GLS: variants seen among roughly 807,000 people sequenced by gnomAD.
GLS encodes glutaminase kidney isoform, mitochondrial.
A neutral mutation model predicts 86.7 loss-of-function variants in GLS; 36 were observed. The ratio of observed to expected loss-of-function variants is 0.42; its 90% CI spans 0.32 to 0.55. The LOEUF (loss-of-function observed/expected upper bound fraction) is 0.55. Ranked by LOEUF, GLS falls within the 20% of genes least tolerant of loss-of-function variation. GLS has a pLI of 0.17. For synonymous variants in GLS, 317 were observed against 305.9 expected, an observed-to-expected ratio of 1.04 and a Z score of -0.38; for missense variants, 528 against 833.4, an observed-to-expected ratio of 0.63 and a Z score of 4.51.
At position 190,883,383 on chromosome 2, in the gene GLS, A is replaced by C. The variant is rs145094609; in HGVS notation, c.386+1913A>C. On this transcript the variant is annotated intron_variant, in intron 1 of 17. Transcript: ENST00000320717. ...GATCCTGTTATCCTTTCTAATGCTT[A>C]GCCTGCAAAGCATAGGTCATCCCTC... Among the ~76,000 whole-genome samples the C allele has an allele frequency of 7.5e-3, 1,137 of 152,294 alleles. 15 individuals carry two copies. The highest frequency in any genetic ancestry group is 7.4e-3 in the Non-Finnish European group (502 of 68,030).
At position 190,901,432 on chromosome 2, in the gene GLS, GGTCTTGT is replaced by G. The variant is rs374627213; in HGVS notation, c.736-508_736-502del. Among the ~76,000 whole-genome samples the G allele has an allele frequency of 1.0e-3, 153 of 151,982 alleles. 3 individuals carry two copies. Among genetic ancestry groups the G allele is most frequent in the African/African-American group, 3.6e-3 (150 of 41,480 alleles). On this transcript the variant is annotated intron_variant, in intron 4 of 17. Coordinates refer to ENST00000320717, the MANE Select transcript of GLS (RefSeq NM_014905.5). ...AGACTGAAGAAGAAGAGGAGGGATTGGTCTTGTGTCTTGGGGGTGGCGGAAGCAGAAA... is the reference window on the plus strand; with the variant it reads ...AGACTGAAGAAGAAGAGGAGGGATTGGTCTTGGGGGTGGCGGAAGCAGAAA...
chr2:190,885,940 TC>T (rs1390954885), intron 1 of GLS, among the ~76,000 whole-genome samples: 9 of 152,080 alleles, frequency 5.9e-5, no homozygotes, highest in Non-Finnish European at 1.0e-4. Context: ...TGGTGTGATC[TC>T]AGCTCAATGC....
At chr2:190,917,279 C>T (rs1240292479) in intron 7 of GLS, among the ~76,000 whole-genome samples, 2 of 152,172 alleles carry the variant, frequency 1.3e-5, no homozygotes. Flanking sequence ...CAAGAAACCA[C>T]TTTCTTAGTT....
Position 190,897,382 on chromosome 2 carries a change from T to A in GLS, c.605+1657T>A, listed in dbSNP as rs1281721659. Among the ~76,000 whole-genome samples the A allele has an allele frequency of 6.6e-6, 1 of 152,222 alleles. No individual in the cohort carries two copies. The highest frequency in any genetic ancestry group is 1.5e-5 in the Non-Finnish European group (1 of 68,026). On this transcript the variant is annotated intron_variant, in intron 3 of 17. Coordinates refer to ENST00000320717, the MANE Select transcript of GLS (RefSeq NM_014905.5). The surrounding 1 kb of genome is among the most constrained non-coding windows in gnomAD (Gnocchi z 4.3). ...TTAAAAACAATTTAAATCCTCTGAT[T>A]ATTAAGCCAGGGAACTGCAAACATT... is the stretch of plus-strand genomic sequence containing the variant.
In GLS at chr2:190,935,985, C is replaced by G. The variant is rs1281824183; in HGVS notation, c.1650+4348C>G. ...ATCTGCCATTCATATTCTGGAGATT[C>G]CTGAATATATTGTAGAAGTTTTAAA... On this transcript the variant is annotated intron_variant, in intron 14 of 17. Coordinates refer to ENST00000320717, the MANE Select transcript of GLS (RefSeq NM_014905.5). The surrounding 1 kb of genome is among the most constrained non-coding windows in gnomAD (Gnocchi z 4.2). Among the ~76,000 whole-genome samples, 5 of 150,874 alleles carry G rather than the reference C, an allele frequency of 3.3e-5. No individual in the cohort carries two copies. The highest frequency in any genetic ancestry group is 1.2e-4 in the African/African-American group (5 of 41,246).
At chr2:190,904,931 A>G in intron 5 of GLS, 73 bp from the exon 6 acceptor site, 2 of 857,822 alleles carry the variant, frequency 2.3e-6, no homozygotes, top group Middle Eastern at 2.3e-4. Flanking sequence ...ACATGTAAAA[A>G]GAATAATTCC....
At chr2:190,929,759 C>T (rs184347804) in intron 12 of GLS, among the ~76,000 whole-genome samples, 360 of 152,112 alleles carry the variant, frequency 2.4e-3, no homozygotes, top group Middle Eastern at 0.014. Flanking sequence ...CATGAGCCAC[C>T]GCACCCGGCC....
chr2:190,925,243 G>A (rs1269062626), intron 11 of GLS, among the ~76,000 whole-genome samples: 1 of 151,922 alleles, frequency 6.6e-6, no homozygotes, highest in East Asian at 1.9e-4. Context: ...TTAAATCAGA[G>A]GGCTCTTATT....
intron 17 of GLS, among the ~76,000 whole-genome samples, chr2:190,958,930 T>C (rs1690928505): frequency 1.3e-5 from 2 of 152,202 alleles, no homozygotes; most frequent in Non-Finnish European, 1.5e-5. Flanking sequence ...AGATGTCTAT[T>C]AGGTCTGCTT....
intron 14 of GLS, among the ~76,000 whole-genome samples, chr2:190,940,787 ATGT>A (rs934653181): frequency 1.3e-4 from 19 of 147,702 alleles, no homozygotes; most frequent in South Asian, 2.2e-4. Flanking sequence ...TGTTCTCCTC[ATGT>A]TGTTTTCTTC....
At chr2:190,919,470 C>T (rs912318385) in intron 7 of GLS, among the ~76,000 whole-genome samples, 1 of 152,086 alleles carries the variant, frequency 6.6e-6, no homozygotes. Flanking sequence ...TGAAGTTCAA[C>T]ATAACTTGTT....
At position 190,965,476 on chromosome 2, in the gene GLS, T is replaced by G. The variant is rs190448557; in HGVS notation, c.*2490T>G. The stretch of plus-strand genomic sequence containing the variant: ...CTACAAGTTGTAAGTATTCTGAAAT[T>G]GGGAAACATTTATTTTAAATGCAAT... On this transcript the variant is annotated 3_prime_UTR_variant, in exon 18 of 18. Transcript: ENST00000320717. The surrounding 1 kb of genome is among the most constrained non-coding windows in gnomAD (Gnocchi z 5.0). The G allele has an allele frequency of 1.3e-5, 2 of 152,732 alleles. No homozygotes were observed. Among genetic ancestry groups the G allele is most frequent in the East Asian group, 1.9e-4 (1 of 5,190 alleles). The allele number at this position is 152,732 out of a possible 1,614,324, so 9.5% of individuals were successfully genotyped here. A position where few individuals can be genotyped will look rare whatever the true frequency, so the allele number is the denominator to read the frequency against.
Position 190,930,068 on chromosome 2 carries a change from G to GT in GLS, c.1426-368dup, listed in dbSNP as rs1349779352. Among the ~76,000 whole-genome samples the GT allele has an allele frequency of 8.8e-5, 13 of 147,808 alleles. No individual in the cohort carries two copies. Among genetic ancestry groups the GT allele is most frequent in the African/African-American group, 3.2e-4 (13 of 40,026 alleles). Reference sequence around the variant, plus strand: ...TAATTTTTAAACCAATTTCCCAATTGTGTTTTTTTTTTTTTTGAAACTGGA... The same window carrying GT: ...TAATTTTTAAACCAATTTCCCAATTGTTGTTTTTTTTTTTTTTGAAACTGGA... On this transcript the variant is annotated intron_variant, in intron 12 of 17. Coordinates refer to ENST00000320717, the MANE Select transcript of GLS (RefSeq NM_014905.5). The surrounding 1 kb of genome is among the most constrained non-coding windows in gnomAD (Gnocchi z 5.0).
intron 7 of GLS, chr2:190,919,695 T>A: frequency 6.2e-6 from 5 of 803,232 alleles, no homozygotes; most frequent in Non-Finnish European, 7.5e-6. Flanking sequence ...CTTCTTTTAA[T>A]TATTTTTCAT....
Position 190,963,059 on chromosome 2 carries a change from T to TTCTA in GLS, c.*77_*80dup, listed in dbSNP as rs1691041276. The TTCTA allele has an allele frequency of 9.3e-7, 1 of 1,072,472 alleles. No homozygotes were observed. The highest frequency in any genetic ancestry group is 1.6e-5 in the African/African-American group (1 of 63,070). The allele number at this position is 1,072,472 out of a possible 1,614,324, so 66.4% of individuals were successfully genotyped here. ...AAATGATTATGAAGAACATGTGTAT[T>TTCTA]TCTATCTGGTAGTGATGTATATTTT... On this transcript the variant is annotated 3_prime_UTR_variant, in exon 18 of 18. Coordinates refer to ENST00000320717, the MANE Select transcript of GLS (RefSeq NM_014905.5).
At position 190,956,512 on chromosome 2, in the gene GLS, G is replaced by A. The variant is rs1690864761; in HGVS notation, c.1853+1694G>A. 6.6e-6 allele frequency among the ~76,000 whole-genome samples: 1 copy of A among 152,150 alleles called. No individual in the cohort carries two copies. Reference sequence around the variant, plus strand: ...CTGTTTTGATTACTGTAGCCTTGTAGTATAGTTTGAAGTCAGGTAGCGTGA... The same window carrying A: ...CTGTTTTGATTACTGTAGCCTTGTAATATAGTTTGAAGTCAGGTAGCGTGA... On this transcript the variant is annotated intron_variant, in intron 17 of 17. Coordinates refer to ENST00000320717, the MANE Select transcript of GLS (RefSeq NM_014905.5). This position sits in a 1 kb window ranked among gnomAD's most constrained non-coding sequence, Gnocchi z 4.2.
chr2:190,903,167 C>CA (rs1161674861), intron 5 of GLS, among the ~76,000 whole-genome samples: 1 of 151,974 alleles, frequency 6.6e-6, no homozygotes, highest in Non-Finnish European at 1.5e-5. Flanking sequence ...GCCCCCCAGC[C>CA]AAAAATCTGT....
At chr2:190,959,320 G>A (rs1451283017) in intron 17 of GLS, among the ~76,000 whole-genome samples, 1 of 145,678 alleles carries the variant, frequency 6.9e-6, no homozygotes, top group Middle Eastern at 3.4e-3. Context: ...GTGTGTCTTT[G>A]CACGTGAGAT....
In GLS at chr2:190,949,175, G is replaced by T. The variant is rs1360798512; in HGVS notation, c.1651-4390G>T. 1.3e-5 allele frequency among the ~76,000 whole-genome samples: 2 copies of T among 152,110 alleles called. No homozygotes were observed. Among genetic ancestry groups the T allele is most frequent in the African/African-American group, 4.8e-5 (2 of 41,420 alleles). ...TTGAGAAGAAAAATTAAGTTAGCTG[G>T]ACTGAAGAACCTTGAATACAAGGCT... On this transcript the variant is annotated intron_variant, in intron 14 of 17. Coordinates refer to ENST00000320717, the MANE Select transcript of GLS (RefSeq NM_014905.5). The surrounding 1 kb of genome is among the most constrained non-coding windows in gnomAD (Gnocchi z 4.0).
Sources: gnomAD v4.1 joint callset for allele counts (sites outside exome capture counted in the v4.1 genomes callset) on GRCh38, gnomAD v4.1.1 for gene constraint, Gnocchi (gnomAD v3.1) non-coding constraint, MANE v1.5 for transcripts, NCBI Gene and HGNC (gene_info 2026-07-23, HGNC 2026-07-21) for gene names.